ANOS1: variants seen among roughly 807,000 people sequenced by gnomAD.
The protein encoded by ANOS1 is anosmin-1.
A neutral mutation model predicts 59.0 loss-of-function variants in ANOS1; 6 were observed. The ratio of observed to expected loss-of-function variants is 0.10; its 90% confidence interval spans 0.06 to 0.20. ANOS1 has a LOEUF of 0.20. ANOS1 is among the 10% of genes least tolerant of loss of function. The pLI is 1.00. For missense variants in ANOS1, 433 were observed against 542.3 expected, an observed-to-expected ratio of 0.80 and a Z score of 2.00; for synonymous variants, 217 against 223.4, an observed-to-expected ratio of 0.97 and a Z score of 0.25.
chrX:8,581,372 G>A (rs1019712882), intron 6 of ANOS1, among the ~76,000 whole-genome samples: 1 of 111,534 alleles, frequency 9.0e-6, no homozygotes, highest in Non-Finnish European at 1.9e-5. Context: ...CCAGCCATGT[G>A]GAACTCTAAG....
Position 8,531,789 on chromosome X carries a change from G to T in ANOS1, c.*1206C>A, listed in dbSNP as rs1412610731. 9.0e-6 allele frequency: 1 copy of T among 111,046 alleles called. No individual in the cohort carries two copies. The highest frequency in any genetic ancestry group is 1.9e-5 in the Non-Finnish European group (1 of 52,938). 9.2% of individuals were successfully genotyped at this position (111,046 alleles called of 1,213,427 possible). ...TGCACATTTCAAACCATGTATGTGA[G>T]TATTCCTTCAAGAAAAAAAACAGTA... On this transcript the variant is annotated 3_prime_UTR_variant, in exon 14 of 14. Transcript: ENST00000262648.
chrX:8,635,566 A>C (rs995435668), intron 2 of ANOS1, among the ~76,000 whole-genome samples: 1 of 111,800 alleles, frequency 8.9e-6, no homozygotes, highest in African/African-American at 3.3e-5. Context: ...TGGGAAGTTT[A>C]CTGGCGCACA....
chrX:8,729,391 CTTTTTTTTTTTTTT>C (rs1162458402), intron 1 of ANOS1, among the ~76,000 whole-genome samples: 2 of 72,626 alleles, frequency 2.8e-5, no homozygotes, highest in Non-Finnish European at 4.9e-5. Context: ...ACCTTCCTTC[CTTTTTTTTTTTTTT>C]TTTTTTTTTT....
intron 9 of ANOS1, among the ~76,000 whole-genome samples, chrX:8,553,434 C>A (rs948347128): frequency 1.4e-4 from 15 of 110,743 alleles, no homozygotes; most frequent in Non-Finnish European, 2.5e-4. Flanking sequence ...AATATAGCAG[C>A]TCAAACAATG....
chrX:8,715,609 G>A (rs1441650507), intron 1 of ANOS1, among the ~76,000 whole-genome samples: 1 of 110,094 alleles, frequency 9.1e-6, no homozygotes, highest in Non-Finnish European at 1.9e-5. Flanking sequence ...AAGCACACAC[G>A]AGAGATCTGC....
chrX:8,597,184 G>C lies in ANOS1; in HGVS notation c.391C>G (p.Gln131Glu). The change falls in exon 4 of 14, where the codon CAG (glutamine) becomes GAG (glutamate). Residue 131 changes from glutamine (Q) to glutamate (E), a missense_variant. Physicochemically the swap from Gln to Glu is conservative, Grantham distance 29. Coordinates refer to ENST00000262648, the MANE Select transcript of ANOS1 (RefSeq NM_000216.4). ...EFLKYILLVKQGDCPAPEKAS... is the reference protein window; with the variant it reads ...EFLKYILLVKEGDCPAPEKAS... ...TTCTCAGGAGCCGGACAGTCCCCCT[G>C]CTTCACCAACAGGATGTATTTGAGG... 8.3e-7 allele frequency: 1 copy of C among 1,211,592 alleles called. No individual in the cohort carries two copies. The highest frequency in any genetic ancestry group is 1.1e-6 in the Non-Finnish European group (1 of 895,413).
At chrX:8,557,657 T>C (rs1299471218) in intron 8 of ANOS1, among the ~76,000 whole-genome samples, 1 of 111,906 alleles carries the variant, frequency 8.9e-6, no homozygotes, top group African/African-American at 3.3e-5. Flanking sequence ...ATGGCGATCA[T>C]TCAAAAGTCA....
chrX:8,708,397 G>A (rs1042697247), intron 1 of ANOS1, among the ~76,000 whole-genome samples: 1 of 111,396 alleles, frequency 9.0e-6, no homozygotes, highest in African/African-American at 3.3e-5. Flanking sequence ...AATCTACAAG[G>A]AACTTAAACA....
At chrX:8,715,714 T>G (rs1932838162) in intron 1 of ANOS1, among the ~76,000 whole-genome samples, 1 of 111,159 alleles carries the variant, frequency 9.0e-6, no homozygotes, top group Non-Finnish European at 1.9e-5. Context: ...CTTTTGGAAG[T>G]GGAGGGGTCT....
chrX:8,586,915 TC>T (rs1433373797), intron 5 of ANOS1, among the ~76,000 whole-genome samples: 1 of 107,345 alleles, frequency 9.3e-6, no homozygotes, highest in African/African-American at 3.4e-5. Flanking sequence ...ATATTCTTCT[TC>T]CAAACACCTA....
intron 2 of ANOS1, among the ~76,000 whole-genome samples, chrX:8,625,484 GT>G (rs775045310): frequency 8.9e-6 from 1 of 112,255 alleles, no homozygotes; most frequent in African/African-American, 3.2e-5. Flanking sequence ...TTTGCACTCT[GT>G]TTTCTAGTAA....
chrX:8,589,984 T>C (rs764809616), intron 4 of ANOS1, among the ~76,000 whole-genome samples: 1 of 112,310 alleles, frequency 8.9e-6, no homozygotes, highest in African/African-American at 3.2e-5. Flanking sequence ...CAAATCATTT[T>C]GTCTCCATGA....
chrX:8,563,770 G>A (rs1930068734), intron 8 of ANOS1, among the ~76,000 whole-genome samples: 1 of 111,889 alleles, frequency 8.9e-6, no homozygotes, highest in Non-Finnish European at 1.9e-5. Flanking sequence ...AAACCTGTGG[G>A]TCCTGAAATA....
chrX:8,620,735 C>T (rs752848693), intron 3 of ANOS1, among the ~76,000 whole-genome samples: 2 of 112,073 alleles, frequency 1.8e-5, no homozygotes, highest in African/African-American at 3.2e-5. Flanking sequence ...GTTATTTAAC[C>T]GTTGGGCTGA....
chrX:8,682,065 G>A (rs892770519), intron 2 of ANOS1, among the ~76,000 whole-genome samples: 3 of 110,878 alleles, frequency 2.7e-5, no homozygotes, highest in African/African-American at 9.9e-5. Flanking sequence ...TCACCCAAAC[G>A]AACCCTTCGC....
intron 4 of ANOS1, among the ~76,000 whole-genome samples, chrX:8,596,371 A>AT (rs1185595578): frequency 9.0e-6 from 1 of 111,679 alleles, no homozygotes; most frequent in African/African-American, 3.3e-5. Flanking sequence ...ACTATACCTA[A>AT]TACAATGGAT....
intron 2 of ANOS1, among the ~76,000 whole-genome samples, chrX:8,694,722 A>C (rs1480924810): frequency 8.9e-6 from 1 of 112,421 alleles, no homozygotes; most frequent in Non-Finnish European, 1.9e-5. Context: ...CAACTTAAAA[A>C]TATTATTAGA....
In ANOS1 at chrX:8,668,528, T is replaced by TC. The variant is rs760157174; in HGVS notation, c.255+31169_255+31170insG. On this transcript the variant is annotated intron_variant, in intron 2 of 13. Coordinates refer to ENST00000262648, the MANE Select transcript of ANOS1 (RefSeq NM_000216.4). The stretch of plus-strand genomic sequence containing the variant: ...TCCATCATATATATATGATAGTCCA[T>TC]ATATATATATATATATGATGGAATA... 1.4e-4 allele frequency among the ~76,000 whole-genome samples: 5 copies of TC among 36,452 alleles called. No individual in the cohort carries two copies. The East Asian group carries it at 5.8e-3, about 42-fold the overall frequency. 31.7% of individuals were successfully genotyped at this position (36,452 alleles called of 115,157 possible).
At chrX:8,680,317 G>A (rs1183389946) in intron 2 of ANOS1, among the ~76,000 whole-genome samples, 3 of 109,441 alleles carry the variant, frequency 2.7e-5, no homozygotes, top group East Asian at 5.7e-4. Flanking sequence ...TATGTTTTGT[G>A]TGTGTGTGTA....
Sources: gnomAD v4.1 joint callset for allele counts (sites outside exome capture counted in the v4.1 genomes callset) on GRCh38, gnomAD v4.1.1 for gene constraint, MANE v1.5 for transcripts, NCBI Gene and HGNC (gene_info 2026-07-23, HGNC 2026-07-21) for gene names.